The following FER1L6 variants were observed in gnomAD, a reference collection of about 807,000 sequenced individuals.
FER1L6 encodes the protein fer-1-like protein 6.
Under a neutral mutation model 219.2 loss-of-function variants are expected in FER1L6, and 177 were observed. The observed-to-expected ratio is 0.81, with a 90% CI of 0.71 to 0.91. The LOEUF is 0.91. Ranked by LOEUF, FER1L6 falls within the 40% of genes least tolerant of loss-of-function variation. The pLI is 0.00. For synonymous variants in FER1L6, 768 were observed against 824.3 expected, an observed-to-expected ratio of 0.93 and a Z score of 1.17; for missense variants, 2,153 against 2,259.9, an observed-to-expected ratio of 0.95 and a Z score of 0.96.
intron 1 of FER1L6, among the ~76,000 whole-genome samples, chr8:123,898,770 T>TATATATAC (rs1563677531): frequency 6.8e-6 from 1 of 146,256 alleles, no homozygotes; most frequent in Non-Finnish European, 1.5e-5. Context: ...CATATATATG[T>TATATATAC]GTATATATAC....
chr8:124,089,216 CT>C (rs1447611969), intron 33 of FER1L6, among the ~76,000 whole-genome samples: 3 of 152,226 alleles, frequency 2.0e-5, no homozygotes, highest in African/African-American at 7.2e-5. Context: ...TAGGGCTGGT[CT>C]AAATGCTCCT....
intron 20 of FER1L6, among the ~76,000 whole-genome samples, chr8:124,044,035 T>C (rs1819617082): frequency 6.6e-6 from 1 of 152,230 alleles, no homozygotes; most frequent in Non-Finnish European, 1.5e-5. Context: ...AATGAACAAA[T>C]GCTGGTCTCT....
chr8:123,986,023 G>T, intron 11 of FER1L6, 45 bp from the exon 12 acceptor site: 1 of 1,119,386 alleles, frequency 8.9e-7, no homozygotes, highest in South Asian at 1.3e-5. Context: ...TTCCTAATGA[G>T]AGAAAAAGCC....
At chr8:124,091,902 G>C (rs1822050677) in intron 34 of FER1L6, among the ~76,000 whole-genome samples, 1 of 151,780 alleles carries the variant, frequency 6.6e-6, no homozygotes, top group South Asian at 2.1e-4. Context: ...AAGAGGTGGA[G>C]GTTGCAGTGA....
At chr8:124,026,084 G>A (rs957196023) in intron 18 of FER1L6, among the ~76,000 whole-genome samples, 3 of 152,128 alleles carry the variant, frequency 2.0e-5, no homozygotes, top group Admixed American at 6.5e-5. Context: ...CCTTCTGGGT[G>A]GGCCCTTATA....
At chr8:124,004,404 G>A (rs1817567740) in intron 13 of FER1L6, among the ~76,000 whole-genome samples, 1 of 152,168 alleles carries the variant, frequency 6.6e-6, no homozygotes, top group Admixed American at 6.5e-5. Context: ...TATGCGAAGA[G>A]AATGAAGATG....
chr8:123,944,180 C>T (rs969640339), intron 1 of FER1L6, among the ~76,000 whole-genome samples: 2 of 151,794 alleles, frequency 1.3e-5, no homozygotes, highest in African/African-American at 4.8e-5. Flanking sequence ...ATTCTACATG[C>T]TCAATGAATG....
intron 5 of FER1L6, among the ~76,000 whole-genome samples, chr8:123,968,162 A>G (rs1331473784): frequency 6.6e-6 from 1 of 152,178 alleles, no homozygotes; most frequent in Non-Finnish European, 1.5e-5. Context: ...CTCTACCCCC[A>G]GAAGAGCTTT....
chr8:123,940,450 G>A (rs919701645), intron 1 of FER1L6, among the ~76,000 whole-genome samples: 40 of 152,238 alleles, frequency 2.6e-4, no homozygotes, highest in African/African-American at 8.9e-4. Flanking sequence ...CAGTTTTCCT[G>A]CCTCAGCCTT....
At chr8:124,080,190 C>T (rs1384967714) in intron 32 of FER1L6, among the ~76,000 whole-genome samples, 17 of 152,074 alleles carry the variant, frequency 1.1e-4, no homozygotes, top group Admixed American at 1.1e-3. Context: ...CAGTTTTGGC[C>T]CATTTCATGA....
Position 124,039,886 on chromosome 8 carries a change from G to C in FER1L6, c.2469G>C (p.Gln823His), listed in dbSNP as rs1819401098. The C allele has an allele frequency of 6.2e-7, 1 of 1,614,100 alleles. No individual in the cohort carries two copies. The highest frequency in any genetic ancestry group is 8.5e-7 in the Non-Finnish European group (1 of 1,179,960). The change falls in exon 20 of 41, where the codon CAG (glutamine) becomes CAC (histidine). Residue 823 changes from glutamine (Q) to histidine (H), a missense_variant. By Grantham distance (24) the Gln-to-His change is conservative (BLOSUM62 0). Coordinates refer to ENST00000522917, the MANE Select transcript of FER1L6 (RefSeq NM_001039112.2). ...HPPSNLLYQE[Q>H]HVFQLRAHMY... ...CCTTCCATGATTTGTCCACAGAACA[G>C]CATGTTTTTCAGCTGAGGGCTCACA...
chr8:124,017,744 G>A (rs775978062), intron 16 of FER1L6, 26 bp downstream of exon 16: 1 of 1,582,488 alleles, frequency 6.3e-7, no homozygotes, highest in South Asian at 1.1e-5. Context: ...TTTATACTTT[G>A]TGGACAGAGT....
chr8:124,017,299 G>A (rs1442808147), intron 15 of FER1L6, among the ~76,000 whole-genome samples: 1 of 152,012 alleles, frequency 6.6e-6, no homozygotes, highest in Non-Finnish European at 1.5e-5. Context: ...CAAACTTTTG[G>A]TGTGTGTTAA....
intron 11 of FER1L6, chr8:123,984,266 A>T (rs1816455801): frequency 1.3e-5 from 2 of 152,164 alleles, no homozygotes; most frequent in African/African-American, 4.8e-5. Flanking sequence ...CAGAGAATAG[A>T]CATGATTTGC....
chr8:123,891,630 G>C (rs556988768), intron 1 of FER1L6, among the ~76,000 whole-genome samples: 1 of 152,292 alleles, frequency 6.6e-6, no homozygotes, highest in East Asian at 1.9e-4. Flanking sequence ...TTGGTGACAT[G>C]TTAGAATAAT....
intron 3 of FER1L6, among the ~76,000 whole-genome samples, chr8:123,964,413 C>T (rs1277518468): frequency 6.6e-6 from 1 of 152,084 alleles, no homozygotes; most frequent in African/African-American, 2.4e-5. Context: ...TGGGTTGTGA[C>T]AGGATGGCAG....
At chr8:123,919,081 C>T (rs920332148) in intron 1 of FER1L6, among the ~76,000 whole-genome samples, 5 of 152,030 alleles carry the variant, frequency 3.3e-5, no homozygotes, top group East Asian at 1.9e-4. Context: ...GAGAACACTT[C>T]GTAGGAGAGT....
intron 34 of FER1L6, among the ~76,000 whole-genome samples, chr8:124,092,012 A>G (rs796896682): frequency 2.8e-4 from 42 of 151,822 alleles, no homozygotes; most frequent in African/African-American, 9.9e-4. Context: ...ATAGTAGAAA[A>G]TGTGGAAAAG....
At chr8:123,921,311 G>T (rs567614399) in intron 1 of FER1L6, among the ~76,000 whole-genome samples, 1 of 152,086 alleles carries the variant, frequency 6.6e-6, no homozygotes, top group Non-Finnish European at 1.5e-5. Context: ...CCAACATTGT[G>T]CAAGGATTCC....
Sources: allele counts gnomAD v4.1 joint callset (sites outside exome capture counted in the v4.1 genomes callset), GRCh38; gene constraint gnomAD v4.1.1; transcripts MANE v1.5; gene names NCBI Gene and HGNC (gene_info 2026-07-23, HGNC 2026-07-21).